Variants in AGMO observed in about 807,000 individuals in gnomAD.
AGMO encodes glyceryl-ether monooxygenase.
A neutral mutation model predicts 60.2 loss-of-function variants in AGMO; 75 were observed. The observed-to-expected ratio is 1.25, with a 90% CI of 1.03 to 1.51. AGMO has a LOEUF of 1.51. Among genes scored for constraint, AGMO ranks in the 40% most tolerant of loss-of-function variants. The pLI is 0.00. For synonymous variants in AGMO, 261 were observed against 177.1 expected, an observed-to-expected ratio of 1.47 and a Z score of -3.76; for missense variants, 763 against 525.5, an observed-to-expected ratio of 1.45 and a Z score of -4.42.
intron 4 of AGMO, among the ~76,000 whole-genome samples, chr7:15,428,060 G>A (rs1781121003): frequency 2.9e-5 from 2 of 70,108 alleles, no homozygotes; most frequent in South Asian, 9.1e-4. Context: ...TTTCAAAGAT[G>A]CGGCCCATTT....
At chr7:15,266,273 G>A (rs1377883696) in intron 12 of AGMO, among the ~76,000 whole-genome samples, 1 of 152,026 alleles carries the variant, frequency 6.6e-6, no homozygotes, top group African/African-American at 2.4e-5. Context: ...TTTGCAAGAT[G>A]AAAAGAGTTC....
the AGMO span, among the ~76,000 whole-genome samples, chr7:15,128,548 C>T: frequency 6.6e-6 from 1 of 151,806 alleles, no homozygotes; most frequent in African/African-American, 2.4e-5. Flanking sequence ...TAATTGAAGA[C>T]AAGATTATTT....
intron 12 of AGMO, among the ~76,000 whole-genome samples, chr7:15,208,786 T>C (rs983360057): frequency 5.9e-5 from 9 of 152,208 alleles, no homozygotes; most frequent in African/African-American, 1.9e-4. Context: ...TTTTTCTGCA[T>C]ACGCCTAACA....
intron 3 of AGMO, among the ~76,000 whole-genome samples, chr7:15,477,818 G>C (rs960303339): frequency 9.9e-5 from 15 of 152,042 alleles, no homozygotes; most frequent in Non-Finnish European, 1.8e-4. Flanking sequence ...ATGTATGAAA[G>C]CAATACAAGA....
chr7:15,247,895 G>A (rs929687168), intron 12 of AGMO, among the ~76,000 whole-genome samples: 2 of 151,730 alleles, frequency 1.3e-5, no homozygotes, highest in Admixed American at 1.3e-4. Flanking sequence ...TGATAGAAGA[G>A]TGCATAAAGT....
intron 10 of AGMO, among the ~76,000 whole-genome samples, chr7:15,382,354 C>G (rs1027536425): frequency 6.6e-5 from 10 of 152,002 alleles, no homozygotes; most frequent in Admixed American, 4.6e-4. Flanking sequence ...GAGGAATGTG[C>G]TCGGGGGAAG....
rs1191237265 is a variant in AGMO, at chr7:15,394,111, A to G, written c.676+2T>C. On this transcript the variant is annotated splice_donor_variant, in intron 6 of 12. Transcript: ENST00000342526. LOFTEE classifies it high-confidence loss of function. ...AAGAGAGAAGAAACAAAACTTCCTT[A>G]CCATGATGAACCCTATGATGGCTAG... The G allele has an allele frequency of 6.2e-7, 1 of 1,605,594 alleles. No individual in the cohort carries two copies. The highest frequency in any genetic ancestry group is 8.5e-7 in the Non-Finnish European group (1 of 1,174,232).
At chr7:15,270,524 T>C (rs188910566) in intron 12 of AGMO, among the ~76,000 whole-genome samples, 1 of 151,198 alleles carries the variant, frequency 6.6e-6, no homozygotes, top group South Asian at 2.1e-4. Flanking sequence ...TGGATATTAG[T>C]CCTTTGTTGC....
intron 5 of AGMO, among the ~76,000 whole-genome samples, chr7:15,395,751 A>T (rs1376162174): frequency 6.6e-6 from 1 of 152,234 alleles, no homozygotes; most frequent in African/African-American, 2.4e-5. Context: ...AATGTCCATA[A>T]ATCCTCACTA....
the AGMO span, among the ~76,000 whole-genome samples, chr7:15,130,609 T>C: frequency 5.9e-5 from 9 of 152,052 alleles, no homozygotes; most frequent in Non-Finnish European, 1.3e-4. Flanking sequence ...CGATTGAAAA[T>C]AGGGGAACAG....
intron 3 of AGMO, among the ~76,000 whole-genome samples, chr7:15,532,160 C>T (rs1784385163): frequency 6.6e-6 from 1 of 152,132 alleles, no homozygotes; most frequent in African/African-American, 2.4e-5. Flanking sequence ...TTTTGAAAAC[C>T]TTAACAACCA....
chr7:15,305,611 C>T (rs1465339963), intron 12 of AGMO, among the ~76,000 whole-genome samples: 1 of 151,874 alleles, frequency 6.6e-6, no homozygotes, highest in Non-Finnish European at 1.5e-5. Context: ...TTCAAAATTA[C>T]ATTCCTATAT....
chr7:15,385,106 G>C (rs1343604932), intron 10 of AGMO, among the ~76,000 whole-genome samples: 7 of 152,122 alleles, frequency 4.6e-5, no homozygotes, highest in African/African-American at 1.7e-4. Context: ...TGAAACTGAT[G>C]AAAAGTGTAA....
At chr7:15,308,093 G>C (rs1780666573) in intron 12 of AGMO, among the ~76,000 whole-genome samples, 1 of 151,916 alleles carries the variant, frequency 6.6e-6, no homozygotes, top group Non-Finnish European at 1.5e-5. Context: ...CCCACAGGCT[G>C]CCAGGAAACA....
At chr7:15,339,047 T>C (rs1048177311) in intron 12 of AGMO, among the ~76,000 whole-genome samples, 1 of 152,162 alleles carries the variant, frequency 6.6e-6, no homozygotes, top group South Asian at 2.1e-4. Flanking sequence ...TTATAATTTC[T>C]CCAGGTTACT....
intron 12 of AGMO, among the ~76,000 whole-genome samples, chr7:15,348,594 C>A (rs1190603960): frequency 3.3e-5 from 5 of 152,042 alleles, no homozygotes; most frequent in African/African-American, 1.2e-4. Flanking sequence ...TGGCTAATTT[C>A]TTTCCATTTC....
intron 12 of AGMO, among the ~76,000 whole-genome samples, chr7:15,333,872 G>C (rs755078363): frequency 6.6e-6 from 1 of 151,898 alleles, no homozygotes; most frequent in African/African-American, 2.4e-5. Flanking sequence ...AATTCCTATT[G>C]CATGTATTCC....
At chr7:15,188,874 T>A in the AGMO span, among the ~76,000 whole-genome samples, 1 of 151,950 alleles carries the variant, frequency 6.6e-6, no homozygotes, top group East Asian at 1.9e-4. Context: ...AGAGCATTTT[T>A]AAAGAATAGT....
In AGMO at chr7:15,201,354, A is replaced by C. The variant is rs765697252; in HGVS notation, c.1269T>G (p.Val423=). 26 of 1,611,532 alleles carry C rather than the reference A, an allele frequency of 1.6e-5. No individual in the cohort carries two copies. The highest frequency in any genetic ancestry group is 2.2e-5 in the Non-Finnish European group (26 of 1,178,612). ...VPSLSSAFEI[V]FSICIAFWGV... Reference sequence around the variant, plus strand: ...CCCAGAAAGCAATGCAAATGGAAAAAACAATCTGAAGAAATAAAACACAAA... The same window carrying C: ...CCCAGAAAGCAATGCAAATGGAAAACACAATCTGAAGAAATAAAACACAAA... The change falls in exon 13 of 13, where the codon GTT becomes GTG. Residue 423 remains valine (V), a synonymous_variant. Coordinates refer to ENST00000342526, the MANE Select transcript of AGMO (RefSeq NM_001004320.2).
Sources: gnomAD v4.1 joint callset for allele counts (sites outside exome capture counted in the v4.1 genomes callset) on GRCh38, gnomAD v4.1.1 for gene constraint, MANE v1.5 for transcripts, NCBI Gene and HGNC (gene_info 2026-07-23, HGNC 2026-07-21) for gene names.